ARHGEF18: variants seen among roughly 807,000 people sequenced by gnomAD.
ARHGEF18 encodes rho guanine nucleotide exchange factor 18.
A neutral mutation model predicts 155.7 loss-of-function variants in ARHGEF18; 93 were observed. That is an observed-to-expected ratio of 0.60 (90% confidence interval 0.50 to 0.71). The LOEUF is 0.71. Ranked by LOEUF, ARHGEF18 falls within the 30% of genes least tolerant of loss-of-function variation. ARHGEF18 has a pLI of 0.00. For missense variants in ARHGEF18, 1,593 were observed against 1,816.1 expected (o/e 0.88, Z 2.23); for synonymous variants, 742 against 753.1 (o/e 0.99, Z 0.24).
chr19:7,451,062 C>A, intron 15 of ARHGEF18, 87 bp from the exon 16 acceptor site: 4 of 1,190,308 alleles, frequency 3.4e-6, no homozygotes, highest in Non-Finnish European at 3.6e-6. Flanking sequence ...AATGCGGGAT[C>A]TTGCTGTCCG....
intron 1 of ARHGEF18, among the ~76,000 whole-genome samples, chr19:7,359,164 A>C (rs567487977): frequency 2.2e-4 from 34 of 151,976 alleles, no homozygotes; most frequent in Non-Finnish European, 4.4e-4. Context: ...GAGGGCTCTG[A>C]ATGTCATTCT....
At chr19:7,427,483 GA>G (rs1390334209) in intron 10 of ARHGEF18, among the ~76,000 whole-genome samples, 1 of 149,080 alleles carries the variant, frequency 6.7e-6, no homozygotes, top group Non-Finnish European at 1.5e-5. Flanking sequence ...TGTCTCTACA[GA>G]AAATACAAAA....
intron 10 of ARHGEF18, among the ~76,000 whole-genome samples, chr19:7,408,090 G>A (rs1972449747): frequency 6.6e-6 from 1 of 151,804 alleles, no homozygotes; most frequent in South Asian, 2.1e-4. Context: ...ACCAGCCTGG[G>A]TAACGTGGTG....
intron 13 of ARHGEF18, among the ~76,000 whole-genome samples, chr19:7,443,651 C>T (rs1974810241): frequency 6.6e-6 from 1 of 152,168 alleles, no homozygotes; most frequent in African/African-American, 2.4e-5. Flanking sequence ...ACATCTTGTT[C>T]ATTGCAGTCT....
intron 10 of ARHGEF18, among the ~76,000 whole-genome samples, chr19:7,409,348 GACTT>G (rs890573690): frequency 7.6e-6 from 1 of 131,232 alleles, no homozygotes; most frequent in Non-Finnish European, 1.5e-5. Flanking sequence ...AAAAAAAAAA[GACTT>G]AATGGCAGTC....
chr19:7,385,965 CCT>C (rs1971043493), intron 10 of ARHGEF18, among the ~76,000 whole-genome samples: 2 of 70,300 alleles, frequency 2.8e-5, no homozygotes, highest in Admixed American at 1.4e-4. Context: ...TCTCCCTCCC[CCT>C]CTCTCCCTCT....
At chr19:7,358,236 T>TCCATCCATCCAC (rs1568261540) in intron 1 of ARHGEF18, among the ~76,000 whole-genome samples, 2 of 130,644 alleles carry the variant, frequency 1.5e-5, no homozygotes, top group African/African-American at 4.3e-5. Context: ...CATCCATCCA[T>TCCATCCATCCAC]CCATCCACCC....
chr19:7,365,092 C>T (rs970449867), intron 2 of ARHGEF18, among the ~76,000 whole-genome samples: 1 of 152,124 alleles, frequency 6.6e-6, no homozygotes, highest in African/African-American at 2.4e-5. Flanking sequence ...CCAGGCTTGT[C>T]ATTTTATGGA....
At chr19:7,365,066 AG>A (rs1969824956) in intron 2 of ARHGEF18, among the ~76,000 whole-genome samples, 1 of 152,266 alleles carries the variant, frequency 6.6e-6, no homozygotes, top group African/African-American at 2.4e-5. Context: ...TAAGCCATAA[AG>A]GGCATCCCAT....
chr19:7,451,397 T>G, intron 16 of ARHGEF18, 131 bp downstream of exon 16: 7 of 615,548 alleles, frequency 1.1e-5, no homozygotes, highest in East Asian at 3.3e-5. Context: ...GGTGCTGGGG[T>G]TCCTTCCTTT....
intron 3 of ARHGEF18, among the ~76,000 whole-genome samples, chr19:7,375,354 AAAG>A (rs201426817): frequency 0.054 from 7,632 of 142,312 alleles, 585 homozygotes; most frequent in East Asian, 0.2. Flanking sequence ...AAAAGAAAGA[AAAG>A]GAAGGAAGGA....
chr19:7,432,364 A>G (rs1467537034), intron 10 of ARHGEF18, among the ~76,000 whole-genome samples: 2 of 152,212 alleles, frequency 1.3e-5, no homozygotes, highest in African/African-American at 4.8e-5. Flanking sequence ...AACAAAGAAC[A>G]GAAGGATGGG....
intron 5 of ARHGEF18, among the ~76,000 whole-genome samples, chr19:7,377,387 ATC>A (rs1970511545): frequency 1.3e-5 from 2 of 150,378 alleles, no homozygotes; most frequent in Non-Finnish European, 2.9e-5. Context: ...CTATTTCTTT[ATC>A]TCTTTCTTTA....
At chr19:7,437,322 G>GGAGGCT (rs74439156) in intron 10 of ARHGEF18, among the ~76,000 whole-genome samples, 59,402 of 150,076 alleles carry the variant, frequency 0.4, 12,395 homozygotes, top group East Asian at 0.59. Context: ...CAGCTACTCG[G>GGAGGCT]GAGGCAGGAG....
rs756589490 is a variant in ARHGEF18, at chr19:7,444,411, G to A, written c.1568G>A (p.Arg523Gln). ...RQESLEEGSD[R>Q]NYVIQKIGDL... ...GAGTCCCTGGAGGAGGGCAGTGACCGGAATTATGTCATCCAGAAAATCGGC... is the reference window on the plus strand; with the variant it reads ...GAGTCCCTGGAGGAGGGCAGTGACCAGAATTATGTCATCCAGAAAATCGGC... The change falls in exon 14 of 29, where the codon CGG (arginine) becomes CAG (glutamine). Residue 523 changes from arginine to glutamine, a missense_variant. Arg to Gln is a conservative substitution (Grantham distance 43). Coordinates refer to ENST00000668164, the MANE Select transcript of ARHGEF18 (RefSeq NM_001367823.1). The surrounding 1 kb of genome is among the most constrained non-coding windows in gnomAD (Gnocchi z 4.7). The A allele has an allele frequency of 1.5e-5, 25 of 1,613,576 alleles. No homozygotes were observed. Among genetic ancestry groups the A allele is most frequent in the East Asian group, 6.7e-5 (3 of 44,896 alleles).
chr19:7,467,064 T>C lies in ARHGEF18; in HGVS notation c.2962-7T>C. Reference sequence around the variant, plus strand: ...AACTAGCATCAATCTCCCTCTCCTCTCCGCAGCTTGTCCAGCGGATCCAGA... The same window carrying C: ...AACTAGCATCAATCTCCCTCTCCTCCCCGCAGCTTGTCCAGCGGATCCAGA... On this transcript the variant is annotated splice_polypyrimidine_tract_variant and splice_region_variant and intron_variant, in intron 24 of 28. Transcript: ENST00000668164. 1.2e-6 allele frequency: 2 copies of C among 1,609,404 alleles called. No individual in the cohort carries two copies. The highest frequency in any genetic ancestry group is 4.5e-5 in the East Asian group (2 of 44,724).
chr19:7,391,638 C>T (rs1035392336), intron 10 of ARHGEF18, among the ~76,000 whole-genome samples: 6 of 152,040 alleles, frequency 3.9e-5, no homozygotes, highest in Non-Finnish European at 7.4e-5. Context: ...AAGACAAAGC[C>T]CAGGCCCACT....
chr19:7,363,016 A>C, intron 2 of ARHGEF18, 111 bp downstream of exon 2: 1 of 1,180,014 alleles, frequency 8.5e-7, no homozygotes, highest in Non-Finnish European at 1.1e-6. Context: ...TATCTCAGGG[A>C]ATCCTCATCG....
intron 10 of ARHGEF18, among the ~76,000 whole-genome samples, chr19:7,426,132 C>G (rs1473377751): frequency 1.3e-5 from 2 of 151,786 alleles, no homozygotes; most frequent in African/African-American, 2.4e-5. Context: ...TGAGCCATGA[C>G]TGCACCACTG....
Sources: allele counts gnomAD v4.1 joint callset (sites outside exome capture counted in the v4.1 genomes callset), GRCh38; gene constraint gnomAD v4.1.1; non-coding constraint Gnocchi (gnomAD v3.1); transcripts MANE v1.5; gene names NCBI Gene and HGNC (gene_info 2026-07-23, HGNC 2026-07-21).